Variants in APLP1 observed in about 807,000 individuals in gnomAD.
APLP1 encodes the protein amyloid beta (A4) precursor-like protein 1.
In APLP1, 46 loss-of-function variants were observed where a neutral mutation model predicts 84.5. That is an observed-to-expected ratio of 0.54 (90% CI 0.43 to 0.70). The LOEUF (loss-of-function observed/expected upper bound fraction) is 0.70. Among genes scored for constraint, APLP1 ranks in the 30% least tolerant of loss-of-function variants. The pLI is 0.00. For synonymous variants in APLP1, 376 were observed against 364.0 expected, an observed-to-expected ratio of 1.03 and a Z score of -0.38; for missense variants, 826 against 900.2, an observed-to-expected ratio of 0.92 and a Z score of 1.05.
At chr19:35,879,266 G>C (rs764131981) in intron 16 of APLP1, 49 bp downstream of exon 16, 20 of 1,608,994 alleles carry the variant, frequency 1.2e-5, no homozygotes, top group Non-Finnish European at 1.4e-5. Context: ...CTGAGCCCGG[G>C]TGTGGGCGGC....
In APLP1 at chr19:35,874,703, G is replaced by C. The variant is rs779844458; in HGVS notation, c.1216-38G>C. ...GGGCAGAGAGCAGAGGGTGAGAAGG[G>C]TCAGGGCGGGCTTGGGCATCCTGTG... On this transcript the variant is annotated intron_variant, in intron 9 of 16. Transcript: ENST00000221891. The surrounding 1 kb of genome is among the most constrained non-coding windows in gnomAD (Gnocchi z 6.4). 1 of 1,612,500 alleles carries C rather than the reference G, an allele frequency of 6.2e-7. No homozygotes were observed. Among genetic ancestry groups the C allele is most frequent in the Admixed American group, 1.7e-5 (1 of 59,996 alleles).
In APLP1 at chr19:35,874,542, G is replaced by A. The variant is rs770905106; in HGVS notation, c.1095G>A (p.Val365=). The change falls in exon 9 of 17, where the codon GTG becomes GTA. Residue 365 remains valine (V), a synonymous_variant. Transcript: ENST00000221891. The surrounding 1 kb of genome is among the most constrained non-coding windows in gnomAD (Gnocchi z 6.4). Reference sequence around the variant, plus strand: ...TTCTGCAGACTCTGGAGGAGCAGGTGTCTGGTGAGCGACAGCGCCTGGTGG... The same window carrying A: ...TTCTGCAGACTCTGGAGGAGCAGGTATCTGGTGAGCGACAGCGCCTGGTGG... The part of the protein sequence containing the change: ...QSILQTLEEQ[V]SGERQRLVET... The A allele has an allele frequency of 6.2e-7, 1 of 1,614,226 alleles. No homozygotes were observed. Among genetic ancestry groups the A allele is most frequent in the South Asian group, 1.1e-5 (1 of 91,086 alleles).
In APLP1 at chr19:35,869,513, C is replaced by T. The variant is rs757348866; in HGVS notation, c.148-154C>T. 8.4e-6 allele frequency: 9 copies of T among 1,068,336 alleles called. No homozygotes were observed. In the South Asian group the frequency reaches 1.2e-4, roughly 15 times the overall value. The allele number at this position is 1,068,336 out of a possible 1,614,324, so 66.2% of individuals were successfully genotyped here. On this transcript the variant is annotated intron_variant, in intron 1 of 16. Transcript: ENST00000221891. Reference sequence around the variant, plus strand: ...CTGGGGCGCCCCCGCCCTACGGGAGCTGTTTCCCAGGGAACGGTGCCTCCA... The same window carrying T: ...CTGGGGCGCCCCCGCCCTACGGGAGTTGTTTCCCAGGGAACGGTGCCTCCA...
At chr19:35,876,485 G>A (rs140677286) in intron 10 of APLP1, 32 bp from the exon 11 acceptor site, 13 of 1,568,126 alleles carry the variant, frequency 8.3e-6, no homozygotes, top group Admixed American at 5.0e-5. Context: ...CCTGCATTGC[G>A]CAGTTCATCC....
At position 35,873,692 on chromosome 19, in the gene APLP1, C is replaced by A; in HGVS notation, c.1035C>A (p.Ala345=). ...ACCAGTCCAAGAACCTGCCTAAAGC[C>A]GACAGACAGGCCCTGAATGAGGTAG... The part of the protein sequence containing the change: ...ADNQSKNLPK[A]DRQALNEHFQ... The change falls in exon 8 of 17, where the codon GCC becomes GCA. Residue 345 remains alanine (A), a synonymous_variant. Coordinates refer to ENST00000221891, the MANE Select transcript of APLP1 (RefSeq NM_001024807.3). 6.2e-7 allele frequency: 1 copy of A among 1,614,074 alleles called. No individual in the cohort carries two copies. Among genetic ancestry groups the A allele is most frequent in the East Asian group, 2.2e-5 (1 of 44,878 alleles).
chr19:35,878,192 C>G (rs920335319), intron 13 of APLP1, 84 bp downstream of exon 13: 2 of 1,411,304 alleles, frequency 1.4e-6, no homozygotes, highest in South Asian at 2.6e-5. Flanking sequence ...CCATTGGGAA[C>G]CTCAGACCCC....
Position 35,879,520 on chromosome 19 carries a change from G to A in APLP1, c.*79G>A. The A allele has an allele frequency of 8.0e-7, 1 of 1,254,896 alleles. No individual in the cohort carries two copies. The highest frequency in any genetic ancestry group is 1.2e-5 in the South Asian group (1 of 81,290). The allele number at this position is 1,254,896 out of a possible 1,614,324, so 77.7% of individuals were successfully genotyped here. A position where few individuals can be genotyped will look rare whatever the true frequency, so the allele number is the denominator to read the frequency against. On this transcript the variant is annotated 3_prime_UTR_variant, in exon 17 of 17. Coordinates refer to ENST00000221891, the MANE Select transcript of APLP1 (RefSeq NM_001024807.3). Reference sequence around the variant, plus strand: ...CCCAGAACCCCAACTCCCAGCCTAGGGCAGCAGGGAGTCTTGAAGTGATCA... The same window carrying A: ...CCCAGAACCCCAACTCCCAGCCTAGAGCAGCAGGGAGTCTTGAAGTGATCA...
At chr19:35,877,255 G>A (rs757183480) in intron 11 of APLP1, among the ~76,000 whole-genome samples, 8 of 152,036 alleles carry the variant, frequency 5.3e-5, no homozygotes, top group Non-Finnish European at 8.8e-5. Flanking sequence ...TTAGGAGGCC[G>A]AGGCGGGTGG....
At chr19:35,877,266 A>G (rs1197319405) in intron 11 of APLP1, among the ~76,000 whole-genome samples, 1 of 152,102 alleles carries the variant, frequency 6.6e-6, no homozygotes, top group African/African-American at 2.4e-5. Context: ...AGGCGGGTGG[A>G]TCACTTGAGG....
Position 35,871,017 on chromosome 19 carries a change from T to C in APLP1, c.413T>C (p.Phe138Ser). Residue 138 changes from phenylalanine (F) to serine (S), a missense_variant, in exon 3 of 17, where the codon TTC becomes TCC. Transcript: ENST00000221891. ...CAHPHHQVVPFRCLPGEFVSE... is the reference protein window; with the variant it reads ...CAHPHHQVVPSRCLPGEFVSE... ...CACCCCCACCACCAGGTTGTGCCCT[T>C]CCGCTGCCTGCGTGAGTCCCAGGCG... 6.5e-7 allele frequency: 1 copy of C among 1,533,864 alleles called. No individual in the cohort carries two copies.
chr19:35,879,607 C>T lies in APLP1; in HGVS notation c.*166C>T, dbSNP rs1974372898. ...TTTCCCCTTTCCAATTCCAAAATTC[C>T]ATCCCTAAGAATTCCCAGATAGTCC... On this transcript the variant is annotated 3_prime_UTR_variant, in exon 17 of 17. Transcript: ENST00000221891. 1.6e-6 allele frequency: 1 copy of T among 623,182 alleles called. No individual in the cohort carries two copies. The highest frequency in any genetic ancestry group is 2.8e-6 in the Non-Finnish European group (1 of 363,134). 38.6% of individuals were successfully genotyped at this position (623,182 alleles called of 1,614,324 possible).
At chr19:35,871,127 G>T (rs555090490) in intron 3 of APLP1, 99 bp downstream of exon 3, 2 of 1,514,576 alleles carry the variant, frequency 1.3e-6, no homozygotes, top group South Asian at 1.3e-5. Flanking sequence ...CTGGGTGCTT[G>T]TGTCCTAAGT....
At chr19:35,871,374 C>T in intron 4 of APLP1, 25 bp downstream of exon 4, 1 of 1,576,132 alleles carries the variant, frequency 6.3e-7, no homozygotes, top group Non-Finnish European at 8.6e-7. Flanking sequence ...CCACCCGTCC[C>T]CAGCCCCCAC....
Position 35,868,703 on chromosome 19 carries a change from C to A in APLP1, c.67C>A (p.Leu23Met). 2.1e-6 allele frequency: 3 copies of A among 1,417,860 alleles called. No individual in the cohort carries two copies. Among genetic ancestry groups the A allele is most frequent in the South Asian group, 1.5e-5 (1 of 68,842 alleles). The allele number at this position is 1,417,860 out of a possible 1,614,324, so 87.8% of individuals were successfully genotyped here. A position where few individuals can be genotyped will look rare whatever the true frequency, so the allele number is the denominator to read the frequency against. The change falls in exon 1 of 17, where the codon CTG becomes ATG. Residue 23 changes from leucine (L) to methionine (M), a missense_variant. Coordinates refer to ENST00000221891, the MANE Select transcript of APLP1 (RefSeq NM_001024807.3). The surrounding 1 kb of genome is among the most constrained non-coding windows in gnomAD (Gnocchi z 5.2). ...RRPGQPPLPL[L>M]LPLLLLLLRA... is the part of the protein sequence containing the mutation. ...CCCGGGCCAGCCGCCGCTGCCGCTG[C>A]TGCTGCCACTATTGCTGCTGCTTCT...
chr19:35,870,053 G>A lies in APLP1; in HGVS notation c.291+243G>A, dbSNP rs555829191. ...TCTGGTGGTCTTTGTAAAGAGTAGA[G>A]GTGTAGGGGGGAGTGGCGAAAGGAT... On this transcript the variant is annotated intron_variant, in intron 2 of 16. Transcript: ENST00000221891. 1.8e-5 allele frequency: 10 copies of A among 561,088 alleles called. No individual in the cohort carries two copies. The African/African-American group carries it at 2.0e-4, about 11-fold the overall frequency. The allele number at this position is 561,088 out of a possible 1,614,324, so 34.8% of individuals were successfully genotyped here.
intron 2 of APLP1, chr19:35,870,568 G>T: frequency 3.8e-6 from 1 of 264,766 alleles, no homozygotes; most frequent in Non-Finnish European, 7.2e-6. Context: ...CGGATCACCT[G>T]AGGTCAGAAG....
At chr19:35,869,521 C>A in intron 1 of APLP1, 146 bp from the exon 2 acceptor site, 1 of 1,163,170 alleles carries the variant, frequency 8.6e-7, no homozygotes. Context: ...AGCTGTTTCC[C>A]AGGGAACGGT....
At position 35,874,816 on chromosome 19, in the gene APLP1, T is replaced by C; in HGVS notation, c.1291T>C (p.Tyr431His). ...QKEQRHTLRH[Y>H]QHVAAVDPEK... ...GGAACAGAGGCACACGCTGCGCCAC[T>C]ACCAGCATGTGGCCGCCGTGGATCC... is the stretch of plus-strand genomic sequence containing the variant. Residue 431 changes from tyrosine to histidine, a missense_variant, in exon 10 of 17, where the codon TAC becomes CAC. Tyr to His is a moderately conservative substitution (Grantham distance 83). Transcript: ENST00000221891. The surrounding 1 kb of genome is among the most constrained non-coding windows in gnomAD (Gnocchi z 6.4). The C allele has an allele frequency of 6.2e-7, 1 of 1,612,586 alleles. No homozygotes were observed. Among genetic ancestry groups the C allele is most frequent in the Non-Finnish European group, 8.5e-7 (1 of 1,179,990 alleles).
chr19:35,877,867 C>T, intron 12 of APLP1, 42 bp downstream of exon 12: 8 of 1,515,782 alleles, frequency 5.3e-6, no homozygotes, highest in Non-Finnish European at 7.2e-6. Context: ...CATTAGGGAA[C>T]AGGCCCCAGC....
Sources: gnomAD v4.1 joint callset for allele counts (sites outside exome capture counted in the v4.1 genomes callset) on GRCh38, gnomAD v4.1.1 for gene constraint, Gnocchi (gnomAD v3.1) non-coding constraint, MANE v1.5 for transcripts, NCBI Gene and HGNC (gene_info 2026-07-23, HGNC 2026-07-21) for gene names.